Variants in PRKG1 observed in about 807,000 individuals in gnomAD.
The protein encoded by PRKG1 is cGMP-dependent protein kinase 1.
A neutral mutation model predicts 88.1 loss-of-function variants in PRKG1; 35 were observed. The ratio of observed to expected loss-of-function variants is 0.40; its 90% CI spans 0.30 to 0.53. The LOEUF is 0.53. Ranked by LOEUF, PRKG1 falls within the 20% of genes least tolerant of loss-of-function variation. PRKG1 has a pLI of 0.59. For synonymous variants in PRKG1, 303 were observed against 292.5 expected (o/e 1.04, Z -0.37); for missense variants, 540 against 839.8 (o/e 0.64, Z 4.41).
intron 1 of PRKG1, among the ~76,000 whole-genome samples, chr10:51,065,855 G>A (rs775665384): frequency 6.6e-6 from 1 of 152,014 alleles, no homozygotes; most frequent in Non-Finnish European, 1.5e-5. Flanking sequence ...CAAATATTAG[G>A]GTTAGTGTTA....
At chr10:51,828,317 A>T (rs1276962184) in intron 4 of PRKG1, among the ~76,000 whole-genome samples, 2 of 152,158 alleles carry the variant, frequency 1.3e-5, no homozygotes, top group African/African-American at 2.4e-5. Context: ...CGTGAAAAAA[A>T]AATCAGAGAC....
intron 4 of PRKG1, among the ~76,000 whole-genome samples, chr10:51,805,081 A>G (rs2132612042): frequency 6.6e-6 from 1 of 152,220 alleles, no homozygotes; most frequent in Non-Finnish European, 1.5e-5. Context: ...TTTATGACAC[A>G]TCTTCTAAAC....
intron 2 of PRKG1, among the ~76,000 whole-genome samples, chr10:51,200,919 T>C (rs1243733831): frequency 6.6e-6 from 1 of 152,156 alleles, no homozygotes; most frequent in African/African-American, 2.4e-5. Flanking sequence ...AGAGATTCTC[T>C]TGAGGGTTTT....
chr10:51,628,050 CCTTTCCTTTCTTT>C (rs1839410323), intron 3 of PRKG1, among the ~76,000 whole-genome samples: 1 of 139,478 alleles, frequency 7.2e-6, no homozygotes, highest in South Asian at 2.4e-4. Flanking sequence ...TTCCTTCTTT[CCTTTCCTTTCTTT>C]CTTTCCTTCT....
chr10:51,402,103 A>T (rs1157178522), intron 2 of PRKG1, among the ~76,000 whole-genome samples: 1 of 152,208 alleles, frequency 6.6e-6, no homozygotes, highest in African/African-American at 2.4e-5. Flanking sequence ...GAACAATACA[A>T]ATATACTAGT....
At chr10:51,267,802 C>A in intron 2 of PRKG1, among the ~76,000 whole-genome samples, 1 of 152,030 alleles carries the variant, frequency 6.6e-6, no homozygotes, top group East Asian at 1.9e-4. Flanking sequence ...ATGATTGGGA[C>A]CTAATTAAAA....
At chr10:51,278,003 G>C (rs142805835) in intron 2 of PRKG1, among the ~76,000 whole-genome samples, 10,209 of 152,224 alleles carry the variant, frequency 0.067, 431 homozygotes, top group East Asian at 0.18. Context: ...GAATAGGAGT[G>C]GTGAGAGAGG....
intron 5 of PRKG1, chr10:51,908,230 A>G (rs1263398633): frequency 2.0e-5 from 3 of 152,250 alleles, no homozygotes; most frequent in Admixed American, 2.0e-4. Context: ...AGATTAAAAA[A>G]TTGTCTTTTC....
intron 8 of PRKG1, among the ~76,000 whole-genome samples, chr10:52,135,498 CA>C (rs1429062081): frequency 6.6e-6 from 1 of 151,942 alleles, no homozygotes; most frequent in East Asian, 1.9e-4. Flanking sequence ...AGGTTAGAGA[CA>C]AAATATTTGG....
chr10:51,666,733 T>A (rs1483566371), intron 3 of PRKG1, among the ~76,000 whole-genome samples: 3 of 152,204 alleles, frequency 2.0e-5, no homozygotes, highest in Non-Finnish European at 2.9e-5. Flanking sequence ...GCTAAATCTT[T>A]AAAAGCAATT....
chr10:52,113,368 A>G (rs1244756904), intron 7 of PRKG1, among the ~76,000 whole-genome samples: 1 of 152,022 alleles, frequency 6.6e-6, no homozygotes, highest in Non-Finnish European at 1.5e-5. Flanking sequence ...AAATGGATGA[A>G]TGGATGGATG....
At chr10:51,793,363 A>C (rs1838922872) in intron 3 of PRKG1, among the ~76,000 whole-genome samples, 1 of 152,110 alleles carries the variant, frequency 6.6e-6, no homozygotes, top group Non-Finnish European at 1.5e-5. Context: ...CAAAGGAGAA[A>C]AATGATGGAA....
At chr10:51,357,509 T>A (rs1482522075) in intron 2 of PRKG1, among the ~76,000 whole-genome samples, 1 of 151,990 alleles carries the variant, frequency 6.6e-6, no homozygotes, top group Non-Finnish European at 1.5e-5. Flanking sequence ...CAGCTCAGTG[T>A]CAATGACGGA....
At chr10:51,561,650 A>G (rs1837464873) in intron 3 of PRKG1, among the ~76,000 whole-genome samples, 1 of 151,998 alleles carries the variant, frequency 6.6e-6, no homozygotes, top group African/African-American at 2.4e-5. Context: ...GGGTGGGGAG[A>G]GGAAAGTGGG....
chr10:51,829,416 G>T lies in PRKG1; in HGVS notation c.698+24726G>T, dbSNP rs918398248. Among the ~76,000 whole-genome samples the T allele has an allele frequency of 3.3e-5, 5 of 152,264 alleles. No homozygotes were observed. The East Asian group carries it at 5.8e-4, about 18-fold the overall frequency. The stretch of plus-strand genomic sequence containing the variant: ...GGGATTACTGGTGGCTACCTTAGAG[G>T]CTACCTACCACAGAAGACATAAAGC... On this transcript the variant is annotated intron_variant, in intron 4 of 17. Coordinates refer to ENST00000373980, the MANE Select transcript of PRKG1 (RefSeq NM_006258.4).
chr10:51,958,405 T>C (rs1160677802), intron 5 of PRKG1, among the ~76,000 whole-genome samples: 3 of 151,958 alleles, frequency 2.0e-5, no homozygotes, highest in African/African-American at 7.3e-5. Context: ...TAGATGTGTT[T>C]TGGAACTAGG....
chr10:51,800,391 C>T lies in PRKG1; in HGVS notation c.593-4194C>T, dbSNP rs531101203. On this transcript the variant is annotated intron_variant, in intron 3 of 17. Transcript: ENST00000373980. ...TGTGTAACTCGAAAATGCATTTAAA[C>T]ACTCAACCTACCAAACATCATAGCT... Among the ~76,000 whole-genome samples the T allele has an allele frequency of 1.6e-4, 24 of 152,180 alleles. 1 individual carries two copies. The South Asian group carries it at 4.8e-3, about 30-fold the overall frequency.
chr10:52,129,238 T>C (rs945402729), intron 7 of PRKG1, among the ~76,000 whole-genome samples: 3 of 152,204 alleles, frequency 2.0e-5, no homozygotes, highest in Admixed American at 1.3e-4. Context: ...AAAATACATT[T>C]AATAACCCAG....
intron 3 of PRKG1, among the ~76,000 whole-genome samples, chr10:51,508,624 A>T (rs1319373800): frequency 1.3e-5 from 2 of 152,290 alleles, no homozygotes; most frequent in Admixed American, 6.5e-5. Context: ...TGGCCAACAG[A>T]CATAAATTTT....
Sources: gnomAD v4.1 joint callset for allele counts (sites outside exome capture counted in the v4.1 genomes callset) on GRCh38, gnomAD v4.1.1 for gene constraint, MANE v1.5 for transcripts, NCBI Gene and HGNC (gene_info 2026-07-23, HGNC 2026-07-21) for gene names.